STXBP5L: variants seen among roughly 807,000 people sequenced by gnomAD.
The protein encoded by STXBP5L is syntaxin-binding protein 5-like.
In STXBP5L, 65 loss-of-function variants were observed where a neutral mutation model predicts 144.5. The observed-to-expected ratio is 0.45, with a 90% CI of 0.37 to 0.55. The LOEUF (loss-of-function observed/expected upper bound fraction) is 0.55, where lower values mean the gene tolerates loss of function less well. Ranked by LOEUF, STXBP5L falls within the 20% of genes least tolerant of loss-of-function variation. The probability of loss-of-function intolerance (pLI) is 0.00; values close to 1 mark genes in which losing one functional copy is unlikely to be tolerated. For synonymous variants in STXBP5L, 505 were observed against 469.6 expected (o/e 1.08, Z -0.97); for missense variants, 1,298 against 1,405.5 (o/e 0.92, Z 1.22).
rs570100157 is a variant in STXBP5L at position 121,204,226 on chromosome 3, G to A, written c.878-1697G>A. Reference sequence around the variant, plus strand: ...TGCACTCCAGCCTGGGTGACAGAGCGAGACTCTGTCTCAAAAAAAAAGACT... The same window carrying A: ...TGCACTCCAGCCTGGGTGACAGAGCAAGACTCTGTCTCAAAAAAAAAGACT... On this transcript the variant is annotated intron_variant, in intron 9 of 26. Coordinates refer to ENST00000471454, the MANE Select transcript of STXBP5L (RefSeq NM_001308330.2). Among the ~76,000 whole-genome samples, 22 of 152,038 alleles carry A rather than the reference G, an allele frequency of 1.4e-4. No individual in the cohort carries two copies. The East Asian group carries it at 2.7e-3, about 19-fold the overall frequency.
In STXBP5L at chr3:121,141,175, A is replaced by G. The variant is rs143697570; in HGVS notation, c.670-11302A>G. 4.6e-3 allele frequency among the ~76,000 whole-genome samples: 703 copies of G among 152,244 alleles called. 6 individuals carry two copies. The highest frequency in any genetic ancestry group is 0.016 in the African/African-American group (664 of 41,558). Reference sequence around the variant, plus strand: ...ATCCCAGCACTTGTGAGGCCAAGCCAGGCAGATCACCTGAGATTGGGAGTT... The same window carrying G: ...ATCCCAGCACTTGTGAGGCCAAGCCGGGCAGATCACCTGAGATTGGGAGTT... On this transcript the variant is annotated intron_variant, in intron 7 of 26. Coordinates refer to ENST00000471454, the MANE Select transcript of STXBP5L (RefSeq NM_001308330.2).
At chr3:120,922,138 G>T (rs1228856989) in intron 2 of STXBP5L, among the ~76,000 whole-genome samples, 1 of 151,728 alleles carries the variant, frequency 6.6e-6, no homozygotes, top group South Asian at 2.1e-4. Context: ...CAATTCCTTT[G>T]TCAGTGTTTT....
chr3:121,194,308 T>C (rs187656958), intron 9 of STXBP5L, among the ~76,000 whole-genome samples: 1 of 152,308 alleles, frequency 6.6e-6, no homozygotes, highest in East Asian at 1.9e-4. Flanking sequence ...TGTCACTGGC[T>C]TTTTTCTCTT....
intron 8 of STXBP5L, among the ~76,000 whole-genome samples, chr3:121,155,241 A>G (rs1006495530): frequency 3.3e-5 from 5 of 151,802 alleles, no homozygotes; most frequent in Non-Finnish European, 7.4e-5. Context: ...ATCCTTCTAC[A>G]CATTCCCCAC....
chr3:121,040,999 T>C (rs568601677), intron 3 of STXBP5L, among the ~76,000 whole-genome samples: 3 of 152,242 alleles, frequency 2.0e-5, no homozygotes, highest in African/African-American at 7.2e-5. Flanking sequence ...AATATACATA[T>C]ATATCAGATC....
At chr3:120,966,338 G>C (rs1244927710) in intron 3 of STXBP5L, among the ~76,000 whole-genome samples, 2 of 152,198 alleles carry the variant, frequency 1.3e-5, no homozygotes, top group Non-Finnish European at 2.9e-5. Context: ...GAGGAGCTGT[G>C]ATCCTTTGGA....
intron 7 of STXBP5L, among the ~76,000 whole-genome samples, chr3:121,124,929 C>G (rs539476554): frequency 6.6e-6 from 1 of 152,158 alleles, no homozygotes; most frequent in South Asian, 2.1e-4. Context: ...AACATTCCAC[C>G]TATTTCCAAT....
rs1035668819 is a variant in STXBP5L at position 121,386,431 on chromosome 3, C to T, written c.2587+4899C>T. On this transcript the variant is annotated intron_variant, in intron 22 of 26. Coordinates refer to ENST00000471454, the MANE Select transcript of STXBP5L (RefSeq NM_001308330.2). ...TATTTATTTTATTATACTTTAAGTT[C>T]TAGGGTACATGTGCACCATGTGCAG... 2.0e-5 allele frequency among the ~76,000 whole-genome samples: 3 copies of T among 152,072 alleles called. No individual in the cohort carries two copies. The East Asian group carries it at 5.8e-4, about 29-fold the overall frequency.
At chr3:120,968,726 G>C (rs1199159771) in intron 3 of STXBP5L, among the ~76,000 whole-genome samples, 1 of 152,032 alleles carries the variant, frequency 6.6e-6, no homozygotes, top group Non-Finnish European at 1.5e-5. Flanking sequence ...CCCGTTCTGA[G>C]TATCCAAAGT....
intron 3 of STXBP5L, among the ~76,000 whole-genome samples, chr3:120,987,114 TA>T (rs1189524520): frequency 6.6e-6 from 1 of 152,022 alleles, no homozygotes; most frequent in Non-Finnish European, 1.5e-5. Flanking sequence ...GATGGATTCA[TA>T]TTGAGACACA....
At chr3:121,047,754 TG>T (rs2107574824) in intron 5 of STXBP5L, among the ~76,000 whole-genome samples, 1 of 152,296 alleles carries the variant, frequency 6.6e-6, no homozygotes, top group East Asian at 1.9e-4. Flanking sequence ...ACATGTGAGA[TG>T]GGTCTCTTGA....
intron 5 of STXBP5L, among the ~76,000 whole-genome samples, chr3:121,082,732 A>T (rs2042310549): frequency 6.6e-6 from 1 of 152,096 alleles, no homozygotes; most frequent in South Asian, 2.1e-4. Flanking sequence ...TGGGTTTTGA[A>T]TTTTGTCAAA....
At chr3:121,211,573 TC>T (rs1314374009) in intron 10 of STXBP5L, among the ~76,000 whole-genome samples, 2 of 96,840 alleles carry the variant, frequency 2.1e-5, no homozygotes, top group African/African-American at 8.7e-5. Context: ...TGACTTTTTT[TC>T]TTTCTTTTTT....
At chr3:121,041,595 G>T in intron 3 of STXBP5L, 105 bp from the exon 4 acceptor site, 1 of 815,412 alleles carries the variant, frequency 1.2e-6, no homozygotes, top group East Asian at 2.7e-5. Context: ...ATAAAAATAA[G>T]GGAAACCAAA....
At chr3:121,172,658 A>C (rs555935853) in intron 9 of STXBP5L, among the ~76,000 whole-genome samples, 2 of 152,156 alleles carry the variant, frequency 1.3e-5, no homozygotes, top group Non-Finnish European at 2.9e-5. Context: ...TTAGAATGGC[A>C]ATCATTAAAA....
At chr3:121,172,006 A>G (rs968205148) in intron 9 of STXBP5L, among the ~76,000 whole-genome samples, 2 of 152,234 alleles carry the variant, frequency 1.3e-5, no homozygotes, top group African/African-American at 4.8e-5. Flanking sequence ...AAACTGATAT[A>G]TAGACCAATG....
intron 10 of STXBP5L, among the ~76,000 whole-genome samples, chr3:121,208,744 A>G (rs948463423): frequency 6.6e-6 from 1 of 152,062 alleles, no homozygotes; most frequent in African/African-American, 2.4e-5. Context: ...AGCTTGTGGT[A>G]TTATTTTATG....
chr3:121,089,269 G>C (rs950799543), intron 5 of STXBP5L, among the ~76,000 whole-genome samples: 2 of 151,360 alleles, frequency 1.3e-5, no homozygotes, highest in African/African-American at 4.8e-5. Flanking sequence ...ACTCCATAAA[G>C]CAATTTTTTA....
rs533344898 is a variant in STXBP5L, at chr3:121,387,442, C to T, written c.2587+5910C>T. On this transcript the variant is annotated intron_variant, in intron 22 of 26. Coordinates refer to ENST00000471454, the MANE Select transcript of STXBP5L (RefSeq NM_001308330.2). ...CATTTGTCTATTTTGGCTTTTGTTGCCATTGCTTTTGGTGTTTTAGTCATG... is the reference window on the plus strand; with the variant it reads ...CATTTGTCTATTTTGGCTTTTGTTGTCATTGCTTTTGGTGTTTTAGTCATG... Among the ~76,000 whole-genome samples the T allele has an allele frequency of 9.2e-5, 14 of 152,292 alleles. No homozygotes were observed. In the South Asian group the frequency reaches 2.1e-3, roughly 23 times the overall value.
Sources: gnomAD v4.1 joint callset for allele counts (sites outside exome capture counted in the v4.1 genomes callset) on GRCh38, gnomAD v4.1.1 for gene constraint, MANE v1.5 for transcripts, NCBI Gene and HGNC (gene_info 2026-07-23, HGNC 2026-07-21) for gene names.